The following KCNG1 variants were observed in gnomAD, a reference collection of about 807,000 sequenced individuals.
KCNG1 encodes the protein voltage-gated potassium channel regulatory subunit KCNG1.
KCNG1 carries 17 observed loss-of-function variants against 32.4 expected under a neutral mutation model. The observed-to-expected ratio is 0.52, with a 90% CI of 0.36 to 0.79. The LOEUF (loss-of-function observed/expected upper bound fraction) is 0.79. KCNG1 is among the 30% of genes least tolerant of loss of function. The pLI is 0.00. For synonymous variants in KCNG1, 358 were observed against 339.9 expected (o/e 1.05, Z -0.59); for missense variants, 441 against 735.2 (o/e 0.60, Z 4.63).
At chr20:51,016,088 T>C (rs1488779242) in intron 1 of KCNG1, among the ~76,000 whole-genome samples, 1 of 152,194 alleles carries the variant, frequency 6.6e-6, no homozygotes, top group Non-Finnish European at 1.5e-5. Flanking sequence ...GATAATATAA[T>C]TGGGCTGTCT....
intron 1 of KCNG1, chr20:51,012,294 GCTCTTCCA>G (rs2123245404): frequency 6.6e-6 from 1 of 152,334 alleles, no homozygotes; most frequent in African/African-American, 2.4e-5. Context: ...GCCTTCCTTG[GCTCTTCCA>G]GCTAAAATGA....
intron 1 of KCNG1, among the ~76,000 whole-genome samples, chr20:51,010,583 G>A (rs1002612487): frequency 1.3e-5 from 2 of 152,198 alleles, no homozygotes; most frequent in African/African-American, 4.8e-5. Context: ...CCCACGATGG[G>A]ATTCGTGTTC....
chr20:51,020,792 G>A (rs1988452935), intron 1 of KCNG1, among the ~76,000 whole-genome samples: 1 of 152,124 alleles, frequency 6.6e-6, no homozygotes, highest in Non-Finnish European at 1.5e-5. Context: ...CCTCGGAGCT[G>A]GTTTGCGTCG....
chr20:51,010,177 C>T lies in KCNG1; in HGVS notation c.162G>A (p.Gln54=), dbSNP rs1988018502. Residue 54 remains glutamine (Q), a synonymous_variant, in exon 2 of 3, where the codon CAG becomes CAA. Transcript: ENST00000371571. ...GGCGGCGGTCCTCGGGCTGACAGCC[C>T]TGGCGGGGCTCATCCTGCGGCCGCA... The part of the protein sequence containing the change: ...QRLRPQDEPR[Q]GCQPEDRRRR... 6.2e-7 allele frequency: 1 copy of T among 1,604,528 alleles called. No homozygotes were observed. The highest frequency in any genetic ancestry group is 8.5e-7 in the Non-Finnish European group (1 of 1,175,482).
chr20:51,004,128 G>A lies in KCNG1; in HGVS notation c.1453C>T (p.Leu485Phe). The stretch of plus-strand genomic sequence containing the variant: ...CTCAGCTGCGACTTGGTTTTGATGA[G>A]GAACTGCGCCCTCCGGAACATCACC... ...ERVMFRRAQF[L>F]IKTKSQLSVS... The change falls in exon 3 of 3, where the codon CTC (leucine) becomes TTC (phenylalanine). Residue 485 changes from leucine to phenylalanine, a missense_variant. Around this residue, in one of 6 missense-constraint regions of KCNG1, gnomAD observed 53 missense variants for 79.1 expected, o/e 0.67. Transcript: ENST00000371571. The surrounding 1 kb of genome is among the most constrained non-coding windows in gnomAD (Gnocchi z 4.3). The A allele has an allele frequency of 6.2e-7, 1 of 1,614,204 alleles. No homozygotes were observed. The highest frequency in any genetic ancestry group is 8.5e-7 in the Non-Finnish European group (1 of 1,180,022).
At chr20:51,006,747 G>C (rs943192123) in intron 2 of KCNG1, 4 of 152,260 alleles carry the variant, frequency 2.6e-5, no homozygotes, top group Non-Finnish European at 5.9e-5. Context: ...GGTCAGGCTG[G>C]TCTCGAACTC....
chr20:51,014,594 C>T (rs966690020), intron 1 of KCNG1, among the ~76,000 whole-genome samples: 5 of 152,218 alleles, frequency 3.3e-5, no homozygotes, highest in African/African-American at 1.2e-4. Flanking sequence ...TTACTGAACG[C>T]TCACCACGTG....
rs1477432672 is a variant in KCNG1 at position 51,015,074 on chromosome 20, G to A, written c.-26-4710C>T. Among the ~76,000 whole-genome samples the A allele has an allele frequency of 6.6e-6, 1 of 152,178 alleles. No individual in the cohort carries two copies. The highest frequency in any genetic ancestry group is 2.4e-5 in the African/African-American group (1 of 41,440). On this transcript the variant is annotated intron_variant, in intron 1 of 2. Coordinates refer to ENST00000371571, the MANE Select transcript of KCNG1 (RefSeq NM_002237.4). The surrounding 1 kb of genome is among the most constrained non-coding windows in gnomAD (Gnocchi z 4.4). ...ATTCTGCAAGGGACAAGGAGTCCATGTGTGCCTGCCAGGTCAGTGGACAAC... is the reference window on the plus strand; with the variant it reads ...ATTCTGCAAGGGACAAGGAGTCCATATGTGCCTGCCAGGTCAGTGGACAAC...
chr20:51,020,596 G>A (rs1038389110), intron 1 of KCNG1, among the ~76,000 whole-genome samples: 1 of 152,110 alleles, frequency 6.6e-6, no homozygotes, highest in Non-Finnish European at 1.5e-5. Context: ...ATTTAGAGGG[G>A]CTTTACCAGC....
intron 1 of KCNG1, 74 bp from the exon 2 acceptor site, chr20:51,010,438 G>T: frequency 1.0e-6 from 1 of 989,770 alleles, no homozygotes; most frequent in Non-Finnish European, 1.4e-6. Context: ...AGATTCCGCA[G>T]ATATTCACTG....
In KCNG1 at chr20:51,009,926, A is replaced by C; in HGVS notation, c.413T>G (p.Leu138Arg). Residue 138 changes from leucine (L) to arginine (R), a missense_variant, in exon 2 of 3, where the codon CTG (leucine) becomes CGG (arginine). Physicochemically the swap from Leu to Arg is moderately radical, Grantham distance 102. Coordinates refer to ENST00000371571, the MANE Select transcript of KCNG1 (RefSeq NM_002237.4). Reference sequence around the variant, plus strand: ...GGACAGCGCGCACATCTCGCGCAGCAGCCGCAGCTTGCCCGCGCGCAGGAA... The same window carrying C: ...GGACAGCGCGCACATCTCGCGCAGCCGCCGCAGCTTGCCCGCGCGCAGGAA... ...LTFLRAGKLRLLREMCALSFQ... is the reference protein window; with the variant it reads ...LTFLRAGKLRRLREMCALSFQ... 1 of 1,613,812 alleles carries C rather than the reference A, an allele frequency of 6.2e-7. No individual in the cohort carries two copies. The highest frequency in any genetic ancestry group is 8.5e-7 in the Non-Finnish European group (1 of 1,179,966).
In KCNG1 at chr20:51,004,151, A is replaced by G; in HGVS notation, c.1430T>C (p.Val477Ala). 1 of 1,614,036 alleles carries G rather than the reference A, an allele frequency of 6.2e-7. No individual in the cohort carries two copies. Residue 477 changes from valine (V) to alanine (A), a missense_variant, in exon 3 of 3, where the codon GTG (valine) becomes GCG (alanine). Coordinates refer to ENST00000371571, the MANE Select transcript of KCNG1 (RefSeq NM_002237.4). The surrounding 1 kb of genome is among the most constrained non-coding windows in gnomAD (Gnocchi z 4.3). ...YLELKQEQER[V>A]MFRRAQFLIK... Reference sequence around the variant, plus strand: ...GAGGAACTGCGCCCTCCGGAACATCACCCTCTCTTGCTCCTGCTTGAGCTC... The same window carrying G: ...GAGGAACTGCGCCCTCCGGAACATCGCCCTCTCTTGCTCCTGCTTGAGCTC...
intron 2 of KCNG1, 51 bp downstream of exon 2, chr20:51,009,512 CAG>C (rs762393375): frequency 1.3e-6 from 2 of 1,507,804 alleles, no homozygotes; most frequent in African/African-American, 2.8e-5. Flanking sequence ...TGACAATGCT[CAG>C]AGTCCCTTCC....
chr20:51,015,520 G>A lies in KCNG1; in HGVS notation c.-26-5156C>T, dbSNP rs987128332. On this transcript the variant is annotated intron_variant, in intron 1 of 2. Coordinates refer to ENST00000371571, the MANE Select transcript of KCNG1 (RefSeq NM_002237.4). This position sits in a 1 kb window ranked among gnomAD's most constrained non-coding sequence, Gnocchi z 4.4. ...TGACCTGGCTAGGCTGGCAGGGGCC[G>A]GAGGGCCAGGGTAGTAGAGCTATGG... Among the ~76,000 whole-genome samples the A allele has an allele frequency of 2.0e-5, 3 of 152,188 alleles. No individual in the cohort carries two copies. The highest frequency in any genetic ancestry group is 4.4e-5 in the Non-Finnish European group (3 of 68,036).
Position 51,004,099 on chromosome 20 carries a change from C to A in KCNG1, c.1482G>T (p.Val494=). 1 of 1,614,228 alleles carries A rather than the reference C, an allele frequency of 6.2e-7. No homozygotes were observed. The highest frequency in any genetic ancestry group is 1.1e-5 in the South Asian group (1 of 91,080). The change falls in exon 3 of 3, where the codon GTG becomes GTT. Residue 494 remains valine (V), a synonymous_variant. Coordinates refer to ENST00000371571, the MANE Select transcript of KCNG1 (RefSeq NM_002237.4). The surrounding 1 kb of genome is among the most constrained non-coding windows in gnomAD (Gnocchi z 4.3). The part of the protein sequence containing the change: ...FLIKTKSQLS[V]SQDSDILFGS... ...CGAACAAGATGTCACTGTCCTGGGACACGCTCAGCTGCGACTTGGTTTTGA... is the reference window on the plus strand; with the variant it reads ...CGAACAAGATGTCACTGTCCTGGGAAACGCTCAGCTGCGACTTGGTTTTGA...
rs1363122904 is a variant in KCNG1 at position 51,010,143 on chromosome 20, T to C, written c.196A>G (p.Ile66Val). ...CQPEDRRRRI[I>V]INVGGIKYSL... ...TACTTGATGCCGCCTACGTTGATGA[T>C]GATCCGACGGCGGCGGTCCTCGGGC... Residue 66 changes from isoleucine to valine, a missense_variant, in exon 2 of 3, where the codon ATC (isoleucine) becomes GTC (valine). Ile to Val is a conservative substitution (Grantham distance 29, BLOSUM62 3). This residue lies in a region of KCNG1 where 85 missense variants were observed against 98.2 expected (regional missense o/e 0.87). Coordinates refer to ENST00000371571, the MANE Select transcript of KCNG1 (RefSeq NM_002237.4). 1 of 1,612,332 alleles carries C rather than the reference T, an allele frequency of 6.2e-7. No individual in the cohort carries two copies. The highest frequency in any genetic ancestry group is 8.5e-7 in the Non-Finnish European group (1 of 1,179,212).
At chr20:51,009,421 C>T in intron 2 of KCNG1, 144 bp downstream of exon 2, 1 of 1,003,808 alleles carries the variant, frequency 1.0e-6, no homozygotes, top group Non-Finnish European at 1.4e-6. Context: ...GCAGACCATG[C>T]ACACAAACAT....
At chr20:51,009,214 C>T (rs547281331) in intron 2 of KCNG1, among the ~76,000 whole-genome samples, 3 of 152,280 alleles carry the variant, frequency 2.0e-5, no homozygotes, top group African/African-American at 4.8e-5. Context: ...TAATGTGCTT[C>T]GCTCAGGGCC....
At chr20:51,010,922 C>CAAA (rs869167402) in intron 1 of KCNG1, among the ~76,000 whole-genome samples, 1 of 28,366 alleles carries the variant, frequency 3.5e-5, no homozygotes, top group Non-Finnish European at 6.9e-5. Flanking sequence ...CAAAACAAAA[C>CAAA]AAAACAAAAA....
Sources: allele counts gnomAD v4.1 joint callset (sites outside exome capture counted in the v4.1 genomes callset), GRCh38; gene constraint gnomAD v4.1.1; regional missense constraint gnomAD v4.1.1; non-coding constraint Gnocchi (gnomAD v3.1); transcripts MANE v1.5; gene names NCBI Gene and HGNC (gene_info 2026-07-23, HGNC 2026-07-21).